PTK6: variants seen among roughly 807,000 people sequenced by gnomAD.
PTK6 encodes protein tyrosine kinase 6, also known as protein-tyrosine kinase 6.
A neutral mutation model predicts 47.5 loss-of-function variants in PTK6; 47 were observed. The ratio of observed to expected loss-of-function variants is 0.99; its 90% CI spans 0.78 to 1.26. The LOEUF is 1.26. PTK6 is among the 50% of genes most tolerant of loss of function. PTK6 has a pLI of 0.00. For synonymous variants in PTK6, 287 were observed against 276.5 expected (o/e 1.04, Z -0.38); for missense variants, 618 against 625.3 (o/e 0.99, Z 0.12).
At chr20:63,531,126 C>T (rs960602766) in intron 5 of PTK6, among the ~76,000 whole-genome samples, 199 bp from the exon 6 acceptor site, 1 of 152,094 alleles carries the variant, frequency 6.6e-6, no homozygotes, top group African/African-American at 2.4e-5. Flanking sequence ...CTGTTTATCA[C>T]GAACCAAGGA....
At chr20:63,534,017 C>T in intron 3 of PTK6, 135 bp downstream of exon 3, 1 of 1,261,920 alleles carries the variant, frequency 7.9e-7, no homozygotes, top group Non-Finnish European at 1.1e-6. Context: ...GAACCATGGG[C>T]TTCCCTCCAG....
chr20:63,533,154 G>A lies in PTK6; in HGVS notation c.670+397C>T, dbSNP rs113332512. ...GCGATCTCAGCTCACTGCAATCTCC[G>A]CCTCCTGGGTTGAAGCGATTCTCCT... is the stretch of plus-strand genomic sequence containing the variant. On this transcript the variant is annotated intron_variant, in intron 4 of 7. Coordinates refer to ENST00000542869, the MANE Select transcript of PTK6 (RefSeq NM_005975.4). The surrounding 1 kb of genome is among the most constrained non-coding windows in gnomAD (Gnocchi z 4.0). Among the ~76,000 whole-genome samples the A allele has an allele frequency of 5.3e-5, 8 of 150,984 alleles. No individual in the cohort carries two copies. The highest frequency in any genetic ancestry group is 8.8e-5 in the Non-Finnish European group (6 of 67,898).
At position 63,535,018 on chromosome 20, in the gene PTK6, C is replaced by T. The variant is rs761146317; in HGVS notation, c.272G>A (p.Arg91Gln). 17 of 1,608,400 alleles carry T rather than the reference C, an allele frequency of 1.1e-5. No individual in the cohort carries two copies. The Middle Eastern group carries it at 5.0e-4, about 47-fold the overall frequency. The change falls in exon 2 of 8, where the codon CGG becomes CAG. Residue 91 changes from arginine (R) to glutamine (Q), a missense_variant. Coordinates refer to ENST00000542869, the MANE Select transcript of PTK6 (RefSeq NM_005975.4). ...CGTGGCGTTGCCCTCGGCCTGCAGC[C>T]GACGCACAGCTTCCGAGCGGGAGAT... is the stretch of plus-strand genomic sequence containing the variant. ...GCISRSEAVR[R>Q]LQAEGNATGA...
intron 1 of PTK6, among the ~76,000 whole-genome samples, chr20:63,536,486 C>A (rs310645): frequency 0.63 from 94,288 of 150,320 alleles, 32,831 homozygotes; most frequent in East Asian, 1. Context: ...TGCCCAATCA[C>A]TGATGAGAAA....
chr20:63,530,226 GTCC>G lies in PTK6; in HGVS notation c.1017_1019del (p.Glu339del). The G allele has an allele frequency of 1.2e-6, 2 of 1,613,880 alleles. No homozygotes were observed. The highest frequency in any genetic ancestry group is 4.5e-5 in the East Asian group (2 of 44,876). On this transcript the variant is annotated inframe_deletion and splice_region_variant, in exon 7 of 8. Coordinates refer to ENST00000542869, the MANE Select transcript of PTK6 (RefSeq NM_005975.4). This position sits in a 1 kb window ranked among gnomAD's most constrained non-coding sequence, Gnocchi z 4.1. ...TATTGTGGTCATGGGAGAGGTAGAC[GTCC>G]TCCTGCAATCAGCCTGGAGCTGAGT...
At position 63,530,204 on chromosome 20, in the gene PTK6, TGTG is replaced by T. The variant is rs770762331; in HGVS notation, c.1039_1041del (p.His347del). The stretch of plus-strand genomic sequence containing the variant: ...GGGGCCGTCCACTTGTAGGGGATAT[TGTG>T]GTCATGGGAGAGGTAGACGTCCTCC... On this transcript the variant is annotated inframe_deletion, in exon 7 of 8. Transcript: ENST00000542869. The surrounding 1 kb of genome is among the most constrained non-coding windows in gnomAD (Gnocchi z 4.1). The T allele has an allele frequency of 7.4e-6, 12 of 1,613,884 alleles. No individual in the cohort carries two copies. The highest frequency in any genetic ancestry group is 9.3e-6 in the Non-Finnish European group (11 of 1,179,964).
At position 63,534,220 on chromosome 20, in the gene PTK6, C is replaced by G; in HGVS notation, c.448G>C (p.Glu150Gln). ...TGGGCCCTGTGGTAGTTCACAAGCTCGGGCAGGCTGAGGAAGGACACCGCC... is the reference window on the plus strand; with the variant it reads ...TGGGCCCTGTGGTAGTTCACAAGCTGGGGCAGGCTGAGGAAGGACACCGCC... The part of the protein sequence containing the change: ...NEAVSFLSLP[E>Q]LVNYHRAQSL... Residue 150 changes from glutamate to glutamine, a missense_variant, in exon 3 of 8, where the codon GAG becomes CAG. Physicochemically the swap from Glu to Gln is conservative, Grantham distance 29. Transcript: ENST00000542869. The G allele has an allele frequency of 2.5e-6, 4 of 1,596,154 alleles. No individual in the cohort carries two copies. The highest frequency in any genetic ancestry group is 2.6e-6 in the Non-Finnish European group (3 of 1,172,552).
At chr20:63,534,830 C>T in intron 2 of PTK6, 108 bp downstream of exon 2, 1 of 1,413,656 alleles carries the variant, frequency 7.1e-7, no homozygotes, top group South Asian at 1.4e-5. Flanking sequence ...GGAGAGGAGC[C>T]CATGTCCCCC....
rs2082605906 is a variant in PTK6, at chr20:63,530,081, G to A, written c.1165C>T (p.Pro389Ser). The change falls in exon 7 of 8, where the codon CCA becomes TCA. Residue 389 changes from proline (P) to serine (S), a missense_variant. Transcript: ENST00000542869. The surrounding 1 kb of genome is among the most constrained non-coding windows in gnomAD (Gnocchi z 4.1). ...TCAGGGACAGTGGGGACAGTACCTG[G>A]GTAGGGCACCTGACCCCTGCTGAAC... ...EMFSRGQVPY[P>S]GMSNHEAFLR... 1.9e-6 allele frequency: 3 copies of A among 1,613,774 alleles called. No individual in the cohort carries two copies. The highest frequency in any genetic ancestry group is 2.2e-5 in the South Asian group (2 of 91,084).
At position 63,533,629 on chromosome 20, in the gene PTK6, C is replaced by T; in HGVS notation, c.592G>A (p.Gly198Arg). The change falls in exon 4 of 8, where the codon GGG becomes AGG. Residue 198 changes from glycine (G) to arginine (R), a missense_variant. Gly to Arg is a moderately radical substitution (Grantham distance 125). Coordinates refer to ENST00000542869, the MANE Select transcript of PTK6 (RefSeq NM_005975.4). This position sits in a 1 kb window ranked among gnomAD's most constrained non-coding sequence, Gnocchi z 4.0. Reference protein sequence around the residue: ...REEFTLCRKLGSGYFGEVFEG... With the variant: ...REEFTLCRKLRSGYFGEVFEG... The stretch of plus-strand genomic sequence containing the variant: ...AAGACCTCCCCAAAGTAGCCGGACC[C>T]CAGCTTCCTGCAGAGCGTGAACTCC... The T allele has an allele frequency of 6.2e-7, 1 of 1,613,996 alleles. No homozygotes were observed. The highest frequency in any genetic ancestry group is 8.5e-7 in the Non-Finnish European group (1 of 1,180,004).
chr20:63,534,859 C>T (rs750491424), intron 2 of PTK6, 79 bp downstream of exon 2: 14 of 1,497,142 alleles, frequency 9.4e-6, no homozygotes, highest in Middle Eastern at 3.8e-4. Flanking sequence ...CAGAGCGAGC[C>T]GGGTTCACCA....
intron 4 of PTK6, 62 bp from the exon 5 acceptor site, chr20:63,532,749 C>A: frequency 5.7e-6 from 9 of 1,573,448 alleles, no homozygotes; most frequent in Non-Finnish European, 7.8e-6. Context: ...AAGGAAGAGG[C>A]CAAGGCCCTG....
At chr20:63,534,875 C>T (rs748550412) in intron 2 of PTK6, 63 bp downstream of exon 2, 8 of 1,527,030 alleles carry the variant, frequency 5.2e-6, no homozygotes, top group Middle Eastern at 1.8e-4. Context: ...CACCACGTGG[C>T]TGGGAGGGCT....
In PTK6 at chr20:63,529,519, G is replaced by T. The variant is rs1273111971; in HGVS notation, c.*17C>A. On this transcript the variant is annotated 3_prime_UTR_variant, in exon 8 of 8. Coordinates refer to ENST00000542869, the MANE Select transcript of PTK6 (RefSeq NM_005975.4). This position sits in a 1 kb window ranked among gnomAD's most constrained non-coding sequence, Gnocchi z 5.6. ...CCCCTCCTCAGCAGGGCCCGGCCAT[G>T]CCCGCTCCACAGCAGCTCAGGTCGG... 2 of 1,544,756 alleles carry T rather than the reference G, an allele frequency of 1.3e-6. No individual in the cohort carries two copies. Among genetic ancestry groups the T allele is most frequent in the East Asian group, 2.4e-5 (1 of 41,534 alleles).
In PTK6 at chr20:63,533,270, G is replaced by A. The variant is rs2082639601; in HGVS notation, c.670+281C>T. On this transcript the variant is annotated intron_variant, in intron 4 of 7. Transcript: ENST00000542869. The surrounding 1 kb of genome is among the most constrained non-coding windows in gnomAD (Gnocchi z 4.0). ...TTTAGTAGAGACGTGGTTTCCCCAT[G>A]TTGGCCAGGCTGGTCTCAAACTCCT... 6.6e-6 allele frequency among the ~76,000 whole-genome samples: 1 copy of A among 152,122 alleles called. No individual in the cohort carries two copies. The highest frequency in any genetic ancestry group is 1.5e-5 in the Non-Finnish European group (1 of 68,018).
rs563200818 is a variant in PTK6 at position 63,534,928 on chromosome 20, G to C, written c.352+10C>G. ...GCAGGCAAGCACAGGCTCGGAGGCC[G>C]GGGCCGCACCCGACAGGACGTAGTC... On this transcript the variant is annotated intron_variant, in intron 2 of 7. Transcript: ENST00000542869. The C allele has an allele frequency of 4.4e-6, 7 of 1,586,580 alleles. No individual in the cohort carries two copies. Among genetic ancestry groups the C allele is most frequent in the Non-Finnish European group, 6.0e-6 (7 of 1,165,714 alleles).
rs1235053343 is a variant in PTK6, at chr20:63,530,935, G to T, written c.833-8C>A. ...GGACTTTCTCATCAGAGTCTGCAGA[G>T]GGGAGTGGAGCAGAGCCTGGGGTCA... On this transcript the variant is annotated splice_region_variant and splice_polypyrimidine_tract_variant and intron_variant, in intron 5 of 7. Coordinates refer to ENST00000542869, the MANE Select transcript of PTK6 (RefSeq NM_005975.4). The surrounding 1 kb of genome is among the most constrained non-coding windows in gnomAD (Gnocchi z 4.1). The T allele has an allele frequency of 6.3e-7, 1 of 1,598,064 alleles. No homozygotes were observed. The highest frequency in any genetic ancestry group is 1.3e-5 in the African/African-American group (1 of 74,388).
In PTK6 at chr20:63,530,318, C is replaced by T; in HGVS notation, c.1015-87G>A. ...GGACGGGCACAGCGGCCGCATTGCC[C>T]CAGCAGTGGGACGGTGATGACCCCA... On this transcript the variant is annotated intron_variant, in intron 6 of 7. Coordinates refer to ENST00000542869, the MANE Select transcript of PTK6 (RefSeq NM_005975.4). The surrounding 1 kb of genome is among the most constrained non-coding windows in gnomAD (Gnocchi z 4.1). 6.5e-7 allele frequency: 1 copy of T among 1,526,894 alleles called. No individual in the cohort carries two copies. Among genetic ancestry groups the T allele is most frequent in the Middle Eastern group, 1.8e-4 (1 of 5,642 alleles). 94.6% of individuals were successfully genotyped at this position (1,526,894 alleles called of 1,614,324 possible).
chr20:63,529,992 G>A lies in PTK6; in HGVS notation c.1168+86C>T, dbSNP rs2082604982. ...GCGGAGGGCCCTGAAGCCCGTGGGGGAGGCACCCCCCAGCGTCCCTGCCGG... is the reference window on the plus strand; with the variant it reads ...GCGGAGGGCCCTGAAGCCCGTGGGGAAGGCACCCCCCAGCGTCCCTGCCGG... On this transcript the variant is annotated intron_variant, in intron 7 of 7. Transcript: ENST00000542869. The surrounding 1 kb of genome is among the most constrained non-coding windows in gnomAD (Gnocchi z 5.6). The A allele has an allele frequency of 5.3e-6, 8 of 1,511,262 alleles. 1 individual carries two copies. Among genetic ancestry groups the A allele is most frequent in the Middle Eastern group, 3.5e-4 (2 of 5,790 alleles). The allele number at this position is 1,511,262 out of a possible 1,614,324, so 93.6% of individuals were successfully genotyped here.
Sources: gnomAD v4.1 joint callset for allele counts (sites outside exome capture counted in the v4.1 genomes callset) on GRCh38, gnomAD v4.1.1 for gene constraint, Gnocchi (gnomAD v3.1) non-coding constraint, MANE v1.5 for transcripts, NCBI Gene and HGNC (gene_info 2026-07-23, HGNC 2026-07-21) for gene names.